The following COX7B variants were observed in gnomAD, a reference collection of about 807,000 sequenced individuals.
COX7B encodes the protein cytochrome c oxidase subunit 7B.
COX7B carries 2 observed loss-of-function variants against 7.9 expected under a neutral mutation model. The ratio of observed to expected loss-of-function variants is 0.25; its 90% CI spans 0.10 to 0.79. COX7B has a LOEUF of 0.79. Among genes scored for constraint, COX7B ranks in the 30% least tolerant of loss-of-function variants. The probability of loss-of-function intolerance (pLI) is 0.69; values close to 1 mark genes in which losing one functional copy is unlikely to be tolerated. For synonymous variants in COX7B, 19 were observed against 21.1 expected, an observed-to-expected ratio of 0.90 and a Z score of 0.27; for missense variants, 54 against 62.7, an observed-to-expected ratio of 0.86 and a Z score of 0.47.
chrX:77,902,849 T>C, intron 2 of COX7B, 82 bp downstream of exon 2: 1 of 950,983 alleles, frequency 1.1e-6, no homozygotes, highest in Non-Finnish European at 1.5e-6. Flanking sequence ...AACATAGTAG[T>C]GTACATATCT....
chrX:77,899,802 T>C (rs1452903546), intron 1 of COX7B, among the ~76,000 whole-genome samples: 1 of 111,222 alleles, frequency 9.0e-6, no homozygotes, highest in African/African-American at 3.3e-5. Flanking sequence ...CTCTTTCTGT[T>C]ATCGGAGTGA....
At position 77,899,525 on chromosome X, in the gene COX7B, A is replaced by G. The variant is rs782568175; in HGVS notation, c.-29A>G. 14 of 1,210,642 alleles carry G rather than the reference A, an allele frequency of 1.2e-5. No individual in the cohort carries two copies. The South Asian group carries it at 2.1e-4, about 18-fold the overall frequency. ...GAATTGGCACCAAAGCAGCAGCTGT[A>G]TTGCCGCAGTTCTAGCTTCACCTTC... On this transcript the variant is annotated 5_prime_UTR_variant, in exon 1 of 3. Coordinates refer to ENST00000650309, the MANE Select transcript of COX7B (RefSeq NM_001866.3).
At position 77,907,320 on chromosome X, in the gene COX7B, C is replaced by T. The variant is rs554247601; in HGVS notation, c.*2059C>T. On this transcript the variant is annotated 3_prime_UTR_variant, in exon 3 of 3. Coordinates refer to ENST00000650309, the MANE Select transcript of COX7B (RefSeq NM_001866.3). Reference sequence around the variant, plus strand: ...GTATTCAAATACATACAACCCTGAGCGATATTGAAGTAAAATAAACATGTA... The same window carrying T: ...GTATTCAAATACATACAACCCTGAGTGATATTGAAGTAAAATAAACATGTA... The T allele has an allele frequency of 9.8e-5, 11 of 111,910 alleles. No homozygotes were observed. Among genetic ancestry groups the T allele is most frequent in the African/African-American group, 1.6e-4 (5 of 30,915 alleles). The allele number at this position is 111,910 out of a possible 1,213,427, so 9.2% of individuals were successfully genotyped here.
intron 2 of COX7B, chrX:77,903,004 T>C (rs782416174): frequency 2.6e-5 from 7 of 271,159 alleles, no homozygotes; most frequent in Non-Finnish European, 4.5e-5. Flanking sequence ...CTTTCCATCT[T>C]GTGTAGCTGT....
Position 77,905,985 on chromosome X carries a change from A to G in COX7B, c.*724A>G, listed in dbSNP as rs1482303068. ...TTTTTAGTAGAGACAGGGTTTCACC[A>G]TATTGGTCAGGCTGGTTTCAAACTC... is the stretch of plus-strand genomic sequence containing the variant. On this transcript the variant is annotated 3_prime_UTR_variant, in exon 3 of 3. Coordinates refer to ENST00000650309, the MANE Select transcript of COX7B (RefSeq NM_001866.3). The G allele has an allele frequency of 3.6e-5, 4 of 111,633 alleles. No individual in the cohort carries two copies. Among genetic ancestry groups the G allele is most frequent in the African/African-American group, 9.8e-5 (3 of 30,745 alleles). 9.2% of individuals were successfully genotyped at this position (111,633 alleles called of 1,213,427 possible). A position where few individuals can be genotyped will look rare whatever the true frequency, so the allele number is the denominator to read the frequency against.
At chrX:77,903,028 G>GTTTT in intron 2 of COX7B, 3 of 149,376 alleles carry the variant, frequency 2.0e-5, no homozygotes, top group Admixed American at 8.9e-5. Flanking sequence ...TTTTGTTTTT[G>GTTTT]TTTTTTTTTT....
intron 2 of COX7B, 123 bp downstream of exon 2, chrX:77,902,890 C>T: frequency 1.5e-6 from 1 of 648,456 alleles, no homozygotes. Flanking sequence ...ATTGTGTAAT[C>T]TAATTACCCA....
chrX:77,901,248 CTT>C (rs782110158), intron 1 of COX7B, among the ~76,000 whole-genome samples: 9 of 98,389 alleles, frequency 9.1e-5, no homozygotes, highest in African/African-American at 7.3e-5. Context: ...ATTGCAGTTT[CTT>C]TTTTTTTTTT....
intron 2 of COX7B, among the ~76,000 whole-genome samples, chrX:77,904,967 AT>A (rs2077130267): frequency 8.9e-6 from 1 of 112,400 alleles, no homozygotes; most frequent in Non-Finnish European, 1.9e-5. Context: ...GATCTAGAAC[AT>A]TTCCTTCAGC....
At chrX:77,903,258 G>C (rs183590970) in intron 2 of COX7B, 1 of 102,524 alleles carries the variant, frequency 9.8e-6, no homozygotes, top group Non-Finnish European at 2.0e-5. Context: ...GCAGTGGCGC[G>C]ATCTCGGCTC....
chrX:77,904,794 A>G (rs1258226187), intron 2 of COX7B, among the ~76,000 whole-genome samples: 1 of 112,130 alleles, frequency 8.9e-6, no homozygotes, highest in Admixed American at 9.5e-5. Context: ...TTACTTAGGT[A>G]GTTGTGGTTG....
rs182597668 is a variant in COX7B, at chrX:77,902,984, C to A, written c.165+217C>A. The A allele has an allele frequency of 9.5e-4, 278 of 292,128 alleles. 4 individuals carry two copies. In the East Asian group the frequency reaches 0.014, roughly 14 times the overall value. The allele number at this position is 292,128 out of a possible 1,213,427, so 24.1% of individuals were successfully genotyped here. A position where few individuals can be genotyped will look rare whatever the true frequency, so the allele number is the denominator to read the frequency against. On this transcript the variant is annotated intron_variant, in intron 2 of 2. Transcript: ENST00000650309. ...CAGTAATAAATTGCTTACTGGATCA[C>A]AAGGCAGCCCTTTCCATCTTGTGTA...
chrX:77,905,143 C>A, intron 2 of COX7B, 41 bp from the exon 3 acceptor site: 1 of 1,023,588 alleles, frequency 9.8e-7, no homozygotes, highest in Non-Finnish European at 1.4e-6. Context: ...AGAGTGTACT[C>A]TGGTTTAAAC....
In COX7B at chrX:77,906,381, G is replaced by C. The variant is rs2077135152; in HGVS notation, c.*1120G>C. 1 of 111,819 alleles carries C rather than the reference G, an allele frequency of 8.9e-6. No homozygotes were observed. The highest frequency in any genetic ancestry group is 3.7e-4 in the South Asian group (1 of 2,698). 9.2% of individuals were successfully genotyped at this position (111,819 alleles called of 1,213,427 possible). ...AAACTCGTAGCCTGTCTGAAGACTA[G>C]CTACTAGCTCCTTGGCTGTTTTGGC... On this transcript the variant is annotated 3_prime_UTR_variant, in exon 3 of 3. Transcript: ENST00000650309.
Position 77,906,369 on chromosome X carries a change from G to A in COX7B, c.*1108G>A, listed in dbSNP as rs782234876. The A allele has an allele frequency of 8.9e-6, 1 of 111,832 alleles. No individual in the cohort carries two copies. The highest frequency in any genetic ancestry group is 3.2e-5 in the African/African-American group (1 of 30,833). The allele number at this position is 111,832 out of a possible 1,213,427, so 9.2% of individuals were successfully genotyped here. A position where few individuals can be genotyped will look rare whatever the true frequency, so the allele number is the denominator to read the frequency against. Reference sequence around the variant, plus strand: ...GTCCTATAAAACAAACTCGTAGCCTGTCTGAAGACTAGCTACTAGCTCCTT... The same window carrying A: ...GTCCTATAAAACAAACTCGTAGCCTATCTGAAGACTAGCTACTAGCTCCTT... On this transcript the variant is annotated 3_prime_UTR_variant, in exon 3 of 3. Coordinates refer to ENST00000650309, the MANE Select transcript of COX7B (RefSeq NM_001866.3).
chrX:77,902,334 A>G (rs1557220702), intron 1 of COX7B, among the ~76,000 whole-genome samples: 1 of 111,477 alleles, frequency 9.0e-6, no homozygotes, highest in African/African-American at 3.3e-5. Context: ...TATTATGAAA[A>G]CTCTCAGACA....
intron 1 of COX7B, among the ~76,000 whole-genome samples, chrX:77,900,484 A>G (rs1166020180): frequency 8.9e-6 from 1 of 112,734 alleles, no homozygotes; most frequent in Non-Finnish European, 1.9e-5. Context: ...AGAAAATGCA[A>G]TAGATTGAGG....
rs1298659306 is a variant in COX7B, at chrX:77,906,992, T to G, written c.*1731T>G. 2 of 105,345 alleles carry G rather than the reference T, an allele frequency of 1.9e-5. No individual in the cohort carries two copies. The highest frequency in any genetic ancestry group is 6.9e-5 in the African/African-American group (2 of 29,093). The allele number at this position is 105,345 out of a possible 1,213,427, so 8.7% of individuals were successfully genotyped here. ...GGTAGTTGTTTTGTTTTGTTTTTTG[T>G]TTTTTTTTTGTAGTTTTCTTGATCG... On this transcript the variant is annotated 3_prime_UTR_variant, in exon 3 of 3. Transcript: ENST00000650309.
chrX:77,901,486 C>G (rs2077119804), intron 1 of COX7B, among the ~76,000 whole-genome samples: 1 of 109,669 alleles, frequency 9.1e-6, no homozygotes. Flanking sequence ...TTTTTCCAGT[C>G]TCGGCTGTTT....
Sources: gnomAD v4.1 joint callset for allele counts (sites outside exome capture counted in the v4.1 genomes callset) on GRCh38, gnomAD v4.1.1 for gene constraint, MANE v1.5 for transcripts, NCBI Gene and HGNC (gene_info 2026-07-23, HGNC 2026-07-21) for gene names.